EIF2AK3: variants seen among roughly 807,000 people sequenced by gnomAD.
EIF2AK3 encodes eukaryotic translation initiation factor 2 alpha kinase 3.
In EIF2AK3, 50 loss-of-function variants were observed where a neutral mutation model predicts 113.5. The ratio of observed to expected loss-of-function variants is 0.44; its 90% CI spans 0.35 to 0.56. EIF2AK3 has a LOEUF of 0.56. Among genes scored for constraint, EIF2AK3 ranks in the 20% least tolerant of loss-of-function variants. The pLI is 0.00. For missense variants in EIF2AK3, 1,185 were observed against 1,378.0 expected (o/e 0.86, Z 2.22); for synonymous variants, 448 against 495.4 (o/e 0.90, Z 1.27).
chr2:88,624,803 T>A (rs1675818829), intron 1 of EIF2AK3: 1 of 152,246 alleles, frequency 6.6e-6, no homozygotes, highest in Non-Finnish European at 1.5e-5. Flanking sequence ...GCAGTCTCAA[T>A]CTCTGGACAA....
intron 1 of EIF2AK3, among the ~76,000 whole-genome samples, chr2:88,616,810 T>C (rs979639891): frequency 1.3e-5 from 2 of 152,204 alleles, no homozygotes; most frequent in Non-Finnish European, 2.9e-5. Flanking sequence ...CCATGCACAC[T>C]GTAAGCATGT....
intron 13 of EIF2AK3, among the ~76,000 whole-genome samples, chr2:88,571,651 A>G (rs995173723): frequency 6.6e-6 from 1 of 152,200 alleles, no homozygotes; most frequent in African/African-American, 2.4e-5. Flanking sequence ...CCACGTGCCC[A>G]GATTTCAGTC....
At chr2:88,558,469 T>G (rs1041589213) in intron 16 of EIF2AK3, among the ~76,000 whole-genome samples, 1 of 152,210 alleles carries the variant, frequency 6.6e-6, no homozygotes, top group Non-Finnish European at 1.5e-5. Context: ...ACCCTGGGAA[T>G]AGATTCATCA....
At chr2:88,566,977 GAAGCAA>G (rs1199956155) in intron 14 of EIF2AK3, among the ~76,000 whole-genome samples, 2 of 151,948 alleles carry the variant, frequency 1.3e-5, no homozygotes, top group African/African-American at 4.8e-5. Flanking sequence ...CAGCAAAACA[GAAGCAA>G]AAGCAAAAAT....
Position 88,575,227 on chromosome 2 carries a change from A to T in EIF2AK3, c.2256T>A (p.Ser752Arg). 1 of 1,612,882 alleles carries T rather than the reference A, an allele frequency of 6.2e-7. No homozygotes were observed. Among genetic ancestry groups the T allele is most frequent in the Non-Finnish European group, 8.5e-7 (1 of 1,179,136 alleles). Residue 752 changes from serine to arginine, a missense_variant, in exon 13 of 17, where the codon AGT becomes AGA. By Grantham distance (110) the Ser-to-Arg change is moderately radical. Coordinates refer to ENST00000303236, the MANE Select transcript of EIF2AK3 (RefSeq NM_004836.7). ...GGTTGTATGCTGCATCCACTGACTCACTGATGTCCTCATGGTCCATTCCTG... is the reference window on the plus strand; with the variant it reads ...GGTTGTATGCTGCATCCACTGACTCTCTGATGTCCTCATGGTCCATTCCTG... ...EFSGMDHEDI[S>R]ESVDAAYNLQ... is the part of the protein sequence containing the mutation.
At chr2:88,592,060 G>A (rs1295366263) in intron 4 of EIF2AK3, among the ~76,000 whole-genome samples, 4 of 152,156 alleles carry the variant, frequency 2.6e-5, no homozygotes, top group African/African-American at 4.8e-5. Flanking sequence ...GACAAAACCC[G>A]AAAGTCTGGT....
chr2:88,579,677 A>C, intron 10 of EIF2AK3, 37 bp from the exon 11 acceptor site: 2 of 1,598,506 alleles, frequency 1.3e-6, no homozygotes, highest in East Asian at 4.5e-5. Flanking sequence ...GGTTTGCAAC[A>C]GTTTTAAATT....
rs1674809495 is a variant in EIF2AK3 at position 88,588,889 on chromosome 2, C to T, written c.1178G>A (p.Gly393Asp). 2 of 1,613,666 alleles carry T rather than the reference C, an allele frequency of 1.2e-6. No individual in the cohort carries two copies. Residue 393 changes from glycine (G) to aspartate (D), a missense_variant, in exon 7 of 17, where the codon GGC becomes GAC. Around this residue, in one of 3 missense-constraint regions of EIF2AK3, gnomAD observed 877 missense variants for 1,024.2 expected, o/e 0.86. Transcript: ENST00000303236. ...GACTGATGACTGCAGATACAGCTGG[C>T]CTCTATACATTCCTGAATCAACCAG... ...ENSVYLGMYR[G>D]QLYLQSSVRI...
chr2:88,613,742 G>T lies in EIF2AK3; in HGVS notation c.420C>A (p.Ser140=). The change falls in exon 2 of 17, where the codon TCC becomes TCA. Residue 140 remains serine (S), a synonymous_variant. Coordinates refer to ENST00000303236, the MANE Select transcript of EIF2AK3 (RefSeq NM_004836.7). ...TTCTTACCTCTGGTTTGCTAAGGCT[G>T]GATGACACCAAGGAACCGGATCCCA... ...LDVGSGSLVS[S]SLSKPEVFGN... 6.2e-7 allele frequency: 1 copy of T among 1,614,064 alleles called. No homozygotes were observed. The highest frequency in any genetic ancestry group is 8.5e-7 in the Non-Finnish European group (1 of 1,179,960).
At position 88,588,811 on chromosome 2, in the gene EIF2AK3, T is replaced by A; in HGVS notation, c.1256A>T (p.Asn419Ile). 6.2e-7 allele frequency: 1 copy of A among 1,613,834 alleles called. No individual in the cohort carries two copies. The highest frequency in any genetic ancestry group is 8.5e-7 in the Non-Finnish European group (1 of 1,179,836). ...SSPKALESVT[N>I]ENAIIPLPTI... ...TGGTAAAGGAATAATTGCGTTTTCA[T>A]TAGTGACAGATTCCAAAGCCTTGGG... The change falls in exon 7 of 17, where the codon AAT becomes ATT. Residue 419 changes from asparagine to isoleucine, a missense_variant. Physicochemically the swap from Asn to Ile is moderately radical, Grantham distance 149. Coordinates refer to ENST00000303236, the MANE Select transcript of EIF2AK3 (RefSeq NM_004836.7).
At chr2:88,559,725 G>A (rs573892958) in intron 15 of EIF2AK3, among the ~76,000 whole-genome samples, 17 of 152,220 alleles carry the variant, frequency 1.1e-4, no homozygotes, top group African/African-American at 3.9e-4. Flanking sequence ...GTGGACTTTT[G>A]TGTCTGGCTT....
At chr2:88,584,100 G>T (rs547770403) in intron 9 of EIF2AK3, among the ~76,000 whole-genome samples, 76 of 152,292 alleles carry the variant, frequency 5.0e-4, no homozygotes, top group Non-Finnish European at 8.5e-4. Context: ...GGCACTGTGG[G>T]TCACCTGTTT....
chr2:88,604,998 C>T (rs1247577467), intron 2 of EIF2AK3, among the ~76,000 whole-genome samples: 1 of 151,962 alleles, frequency 6.6e-6, no homozygotes, highest in Non-Finnish European at 1.5e-5. Flanking sequence ...TTTTGATCCC[C>T]GATTTTATCA....
chr2:88,596,181 A>G (rs1426650865), intron 2 of EIF2AK3, among the ~76,000 whole-genome samples: 3 of 152,194 alleles, frequency 2.0e-5, no homozygotes, highest in Non-Finnish European at 4.4e-5. Context: ...ACAGGTTTAG[A>G]GATACTGATT....
At chr2:88,574,128 G>A (rs1434793384) in intron 13 of EIF2AK3, among the ~76,000 whole-genome samples, 2 of 151,938 alleles carry the variant, frequency 1.3e-5, no homozygotes, top group African/African-American at 2.4e-5. Context: ...TTCCCCATTC[G>A]GCTTCTTACC....
At chr2:88,567,083 CATG>C (rs1217356641) in intron 14 of EIF2AK3, among the ~76,000 whole-genome samples, 3 of 152,098 alleles carry the variant, frequency 2.0e-5, no homozygotes, top group Non-Finnish European at 4.4e-5. Flanking sequence ...TTACAATATC[CATG>C]ATATTTCTTT....
At chr2:88,596,760 T>G (rs1172229319) in intron 2 of EIF2AK3, among the ~76,000 whole-genome samples, 1 of 152,158 alleles carries the variant, frequency 6.6e-6, no homozygotes, top group Non-Finnish European at 1.5e-5. Context: ...TAGAGCTGTT[T>G]AAGGTAGTCA....
intron 2 of EIF2AK3, among the ~76,000 whole-genome samples, chr2:88,598,284 T>A (rs1675067687): frequency 6.6e-6 from 1 of 152,170 alleles, no homozygotes; most frequent in African/African-American, 2.4e-5. Context: ...GGTGCTAAAC[T>A]GAGGTGGAAA....
At chr2:88,607,313 G>C (rs562244554) in intron 2 of EIF2AK3, among the ~76,000 whole-genome samples, 1 of 152,154 alleles carries the variant, frequency 6.6e-6, no homozygotes, top group African/African-American at 2.4e-5. Flanking sequence ...AATTACTAGA[G>C]GAAAGCAAAT....
Sources: allele counts gnomAD v4.1 joint callset (sites outside exome capture counted in the v4.1 genomes callset), GRCh38; gene constraint gnomAD v4.1.1; regional missense constraint gnomAD v4.1.1; transcripts MANE v1.5; gene names NCBI Gene and HGNC (gene_info 2026-07-23, HGNC 2026-07-21).